GRIN2A: variants seen among roughly 807,000 people sequenced by gnomAD.
The protein encoded by GRIN2A is glutamate receptor ionotropic, NMDA 2A.
In GRIN2A, 22 loss-of-function variants were observed where a neutral mutation model predicts 113.4. That is an observed-to-expected ratio of 0.19 (90% confidence interval 0.14 to 0.28). The LOEUF (loss-of-function observed/expected upper bound fraction) is 0.28, where lower values mean the gene tolerates loss of function less well. Ranked by LOEUF, GRIN2A falls within the 10% of genes least tolerant of loss-of-function variation. The pLI is 1.00. For missense variants in GRIN2A, 1,502 were observed against 1,887.0 expected (o/e 0.80, Z 3.78); for synonymous variants, 827 against 738.4 (o/e 1.12, Z -1.94).
chr16:10,180,496 C>T lies in GRIN2A; in HGVS notation c.-18-67G>A, dbSNP rs988549770. ...GCGACCAGAAGAAAGGGATTACCAA[C>T]TTGGCTTCCTGCTCTAGGAGCCAGG... On this transcript the variant is annotated intron_variant, in intron 1 of 12. Transcript: ENST00000330684. This position sits in a 1 kb window ranked among gnomAD's most constrained non-coding sequence, Gnocchi z 7.0. 4.5e-6 allele frequency: 7 copies of T among 1,540,952 alleles called. No individual in the cohort carries two copies. The African/African-American group carries it at 6.8e-5, about 15-fold the overall frequency.
chr16:9,848,122 A>T (rs1245259884), intron 5 of GRIN2A, among the ~76,000 whole-genome samples: 1 of 147,840 alleles, frequency 6.8e-6, no homozygotes, highest in Non-Finnish European at 1.5e-5. Context: ...TATAGTTTAT[A>T]TATAAAAATA....
chr16:10,126,320 C>G lies in GRIN2A; in HGVS notation c.414+53678G>C, dbSNP rs557158208. ...AGACTACAGGCGTGCACCACCACAC[C>G]TGGCTCATTTAAAAAAATTATTTTT... On this transcript the variant is annotated intron_variant, in intron 2 of 12. Transcript: ENST00000330684. Among the ~76,000 whole-genome samples, 42 of 152,116 alleles carry G rather than the reference C, an allele frequency of 2.8e-4. 1 individual carries two copies. Among genetic ancestry groups the G allele is most frequent in the Non-Finnish European group, 5.3e-4 (36 of 67,994 alleles).
At chr16:9,998,496 G>A (rs2046265392) in intron 2 of GRIN2A, among the ~76,000 whole-genome samples, 1 of 152,178 alleles carries the variant, frequency 6.6e-6, no homozygotes, top group Non-Finnish European at 1.5e-5. Context: ...CATTGTGAAT[G>A]TACTTAATGT....
intron 4 of GRIN2A, among the ~76,000 whole-genome samples, chr16:9,850,201 G>A (rs1488739073): frequency 6.6e-6 from 1 of 152,200 alleles, no homozygotes; most frequent in African/African-American, 2.4e-5. Flanking sequence ...TCTGGAGGCA[G>A]TGCCCAGGCA....
chr16:10,149,895 A>G lies in GRIN2A; in HGVS notation c.414+30103T>C, dbSNP rs184629796. On this transcript the variant is annotated intron_variant, in intron 2 of 12. Transcript: ENST00000330684. Reference sequence around the variant, plus strand: ...CCAAACTGCTCTTTTAAAAAGTTTAATTGTGTTTAATTGAACAAAGAATGA... The same window carrying G: ...CCAAACTGCTCTTTTAAAAAGTTTAGTTGTGTTTAATTGAACAAAGAATGA... Among the ~76,000 whole-genome samples the G allele has an allele frequency of 1.8e-3, 273 of 152,364 alleles. 1 individual carries two copies. Among genetic ancestry groups the G allele is most frequent in the African/African-American group, 6.3e-3 (264 of 41,582 alleles).
intron 2 of GRIN2A, among the ~76,000 whole-genome samples, chr16:10,035,975 G>C (rs975758409): frequency 6.6e-6 from 1 of 152,102 alleles, no homozygotes; most frequent in Non-Finnish European, 1.5e-5. Context: ...CCGCCTGCCT[G>C]GGCCTCCCAA....
chr16:9,989,686 GA>G (rs1042405120), intron 2 of GRIN2A, among the ~76,000 whole-genome samples: 1 of 150,996 alleles, frequency 6.6e-6, no homozygotes, highest in Non-Finnish European at 1.5e-5. Flanking sequence ...CTTAAATCAA[GA>G]AAAAAAACAA....
chr16:9,926,113 C>T (rs1407220524), intron 3 of GRIN2A, among the ~76,000 whole-genome samples: 1 of 152,182 alleles, frequency 6.6e-6, no homozygotes, highest in African/African-American at 2.4e-5. Flanking sequence ...TTAATTCAGT[C>T]TGTCAAGGGG....
intron 2 of GRIN2A, among the ~76,000 whole-genome samples, chr16:9,999,049 A>G (rs534387277): frequency 6.6e-6 from 1 of 152,134 alleles, no homozygotes; most frequent in African/African-American, 2.4e-5. Context: ...GGTTCCAACA[A>G]CTCACAATTC....
At chr16:10,111,669 C>G in intron 2 of GRIN2A, 1 of 1,565,824 alleles carries the variant, frequency 6.4e-7, no homozygotes, top group East Asian at 2.2e-5. Flanking sequence ...ACAACTGCAC[C>G]CCAGAGTTCC....
At position 9,871,136 on chromosome 16, in the gene GRIN2A, G is replaced by A. The variant is rs142327197; in HGVS notation, c.1122+19850C>T. Among the ~76,000 whole-genome samples, 359 of 151,930 alleles carry A rather than the reference G, an allele frequency of 2.4e-3. 2 individuals carry two copies. The highest frequency in any genetic ancestry group is 6.0e-3 in the Admixed American group (91 of 15,270). On this transcript the variant is annotated intron_variant, in intron 4 of 12. Coordinates refer to ENST00000330684, the MANE Select transcript of GRIN2A (RefSeq NM_001134407.3). ...CCCACAATTTTCCTGCTCCCATCTTGTCCTCCTGTCACACCCACCTGGCAC... is the reference window on the plus strand; with the variant it reads ...CCCACAATTTTCCTGCTCCCATCTTATCCTCCTGTCACACCCACCTGGCAC...
At chr16:10,032,000 G>A (rs1348425707) in intron 2 of GRIN2A, among the ~76,000 whole-genome samples, 2 of 152,198 alleles carry the variant, frequency 1.3e-5, no homozygotes, top group Non-Finnish European at 2.9e-5. Context: ...CATGTCCTCA[G>A]GGAACCTTCT....
chr16:9,924,653 C>T (rs2044422259), intron 3 of GRIN2A, among the ~76,000 whole-genome samples: 1 of 152,142 alleles, frequency 6.6e-6, no homozygotes, highest in African/African-American at 2.4e-5. Flanking sequence ...CCCCCTTTTA[C>T]TTCAGGGATT....
intron 2 of GRIN2A, among the ~76,000 whole-genome samples, chr16:10,083,811 G>T (rs528040892): frequency 6.6e-6 from 1 of 152,314 alleles, no homozygotes; most frequent in African/African-American, 2.4e-5. Flanking sequence ...GACAAAAATA[G>T]GCATTCAGGG....
intron 2 of GRIN2A, among the ~76,000 whole-genome samples, chr16:9,967,057 C>T (rs1469385859): frequency 1.3e-5 from 2 of 152,212 alleles, no homozygotes; most frequent in East Asian, 1.9e-4. Context: ...TTAAGTGACT[C>T]ATGTTCGACA....
chr16:10,102,205 C>T (rs975854152), intron 2 of GRIN2A, among the ~76,000 whole-genome samples: 17 of 152,224 alleles, frequency 1.1e-4, no homozygotes, highest in East Asian at 3.8e-4. Flanking sequence ...TAGGGCCTGG[C>T]GGGAGGCCAT....
intron 4 of GRIN2A, among the ~76,000 whole-genome samples, chr16:9,879,993 T>C (rs978698719): frequency 1.2e-4 from 19 of 152,192 alleles, no homozygotes; most frequent in African/African-American, 4.6e-4. Context: ...TAGTCTGTTG[T>C]TGTGTAGCAA....
At chr16:9,859,160 C>T (rs1425495589) in intron 4 of GRIN2A, among the ~76,000 whole-genome samples, 2 of 152,052 alleles carry the variant, frequency 1.3e-5, no homozygotes, top group African/African-American at 4.8e-5. Context: ...TTCTCACTTT[C>T]TCTCTCTCAT....
chr16:10,097,874 T>G (rs1005110523), intron 2 of GRIN2A, among the ~76,000 whole-genome samples: 1 of 152,160 alleles, frequency 6.6e-6, no homozygotes, highest in Non-Finnish European at 1.5e-5. Flanking sequence ...CTTCTAGACA[T>G]TGGATTAGGC....
Sources: gnomAD v4.1 joint callset for allele counts (sites outside exome capture counted in the v4.1 genomes callset) on GRCh38, gnomAD v4.1.1 for gene constraint, Gnocchi (gnomAD v3.1) non-coding constraint, MANE v1.5 for transcripts, NCBI Gene and HGNC (gene_info 2026-07-23, HGNC 2026-07-21) for gene names.